The following DYNC1I1 variants were observed in gnomAD, a reference collection of about 807,000 sequenced individuals.
DYNC1I1 encodes the protein cytoplasmic dynein 1 intermediate chain 1.
Under a neutral mutation model 86.6 loss-of-function variants are expected in DYNC1I1, and 43 were observed. That is an observed-to-expected ratio of 0.50 (90% CI 0.39 to 0.64). DYNC1I1 has a LOEUF of 0.64. Ranked by LOEUF, DYNC1I1 falls within the 30% of genes least tolerant of loss-of-function variation. The pLI, the probability that DYNC1I1 is intolerant of heterozygous loss-of-function variation, is 0.00. For missense variants in DYNC1I1, 604 were observed against 788.8 expected (o/e 0.77, Z 2.81); for synonymous variants, 262 against 283.7 (o/e 0.92, Z 0.77).
At chr7:95,998,146 G>A (rs1562967360) in intron 10 of DYNC1I1, among the ~76,000 whole-genome samples, 1 of 152,160 alleles carries the variant, frequency 6.6e-6, no homozygotes, top group Non-Finnish European at 1.5e-5. Context: ...ACAACAGGGA[G>A]GTAAGAAAAA....
intron 6 of DYNC1I1, among the ~76,000 whole-genome samples, chr7:95,895,388 C>A (rs1209105638): frequency 6.6e-6 from 1 of 152,148 alleles, no homozygotes; most frequent in Non-Finnish European, 1.5e-5. Context: ...ATAGAATGGT[C>A]CATGTTGAGT....
At chr7:95,896,170 G>T (rs1790877943) in intron 6 of DYNC1I1, among the ~76,000 whole-genome samples, 1 of 152,132 alleles carries the variant, frequency 6.6e-6, no homozygotes. Context: ...GCGGCTTCAG[G>T]TGGGACTAGA....
intron 5 of DYNC1I1, among the ~76,000 whole-genome samples, chr7:95,850,611 A>T (rs1410173502): frequency 6.6e-6 from 1 of 152,232 alleles, no homozygotes; most frequent in East Asian, 1.9e-4. Flanking sequence ...TGCCACACAC[A>T]CAAATGTAAT....
intron 5 of DYNC1I1, among the ~76,000 whole-genome samples, chr7:95,833,045 A>C (rs562654547): frequency 7.4e-5 from 11 of 149,030 alleles, no homozygotes; most frequent in African/African-American, 2.8e-4. Flanking sequence ...GTCCTAGCCC[A>C]TGCCTATGTC....
rs1325932449 is a variant in DYNC1I1, at chr7:96,050,021, C to CAAAAA, written c.1509+10604_1509+10608dup. Among the ~76,000 whole-genome samples the CAAAAA allele has an allele frequency of 8.7e-4, 115 of 132,286 alleles. 1 individual carries two copies. Among genetic ancestry groups the CAAAAA allele is most frequent in the African/African-American group, 3.4e-3 (112 of 32,612 alleles). 86.8% of individuals were successfully genotyped at this position (132,286 alleles called of 152,430 possible). A position where few individuals can be genotyped will look rare whatever the true frequency, so the allele number is the denominator to read the frequency against. ...TGGATGACAGAGAGAGACTCCATCT[C>CAAAAA]AAAAAAAACAAACAAACAAAAAAAA... On this transcript the variant is annotated intron_variant, in intron 14 of 16. Transcript: ENST00000447467.
At chr7:95,864,570 T>G (rs998578898) in intron 5 of DYNC1I1, among the ~76,000 whole-genome samples, 2 of 152,120 alleles carry the variant, frequency 1.3e-5, no homozygotes, top group African/African-American at 4.8e-5. Flanking sequence ...TGGCTCCAGG[T>G]CACTTCAGGA....
At chr7:96,053,239 T>A (rs1398804017) in intron 14 of DYNC1I1, among the ~76,000 whole-genome samples, 14 of 152,234 alleles carry the variant, frequency 9.2e-5, no homozygotes, top group Admixed American at 9.2e-4. Flanking sequence ...TGTAGCTGCA[T>A]TTAACTGAAT....
At chr7:95,958,735 T>C (rs938179359) in intron 6 of DYNC1I1, among the ~76,000 whole-genome samples, 22 of 152,220 alleles carry the variant, frequency 1.4e-4, no homozygotes, top group Non-Finnish European at 2.8e-4. Context: ...GTAGAGAATC[T>C]GAAGATAAAT....
At chr7:96,047,067 T>C (rs1314006232) in intron 14 of DYNC1I1, among the ~76,000 whole-genome samples, 1 of 152,170 alleles carries the variant, frequency 6.6e-6, no homozygotes, top group African/African-American at 2.4e-5. Flanking sequence ...AGATTTGGTG[T>C]CTGGTGAGTG....
intron 1 of DYNC1I1, among the ~76,000 whole-genome samples, chr7:95,786,036 C>T (rs1794136331): frequency 1.3e-5 from 2 of 151,780 alleles, no homozygotes; most frequent in Admixed American, 1.3e-4. Context: ...TTTGAATAGA[C>T]TGAATTGGTT....
At chr7:95,968,331 A>G (rs1217275521) in intron 6 of DYNC1I1, among the ~76,000 whole-genome samples, 1 of 152,168 alleles carries the variant, frequency 6.6e-6, no homozygotes, top group Non-Finnish European at 1.5e-5. Flanking sequence ...GGGATGACCT[A>G]TATATGCAGT....
chr7:95,871,513 G>T (rs1461277987), intron 6 of DYNC1I1, among the ~76,000 whole-genome samples: 1 of 152,146 alleles, frequency 6.6e-6, no homozygotes, highest in Non-Finnish European at 1.5e-5. Flanking sequence ...GCTGCCAGAG[G>T]TATTTGCAGA....
At chr7:95,958,124 G>A (rs1792767354) in intron 6 of DYNC1I1, among the ~76,000 whole-genome samples, 1 of 152,150 alleles carries the variant, frequency 6.6e-6, no homozygotes, top group South Asian at 2.1e-4. Context: ...ACCTACAGAT[G>A]TGACAACCAG....
chr7:96,103,771 C>T (rs1791172532), intron 16 of DYNC1I1, among the ~76,000 whole-genome samples: 1 of 152,140 alleles, frequency 6.6e-6, no homozygotes, highest in South Asian at 2.1e-4. Context: ...TACCACCATG[C>T]CTGGCTAATT....
intron 10 of DYNC1I1, among the ~76,000 whole-genome samples, chr7:95,998,618 T>C (rs948892737): frequency 1.3e-5 from 2 of 152,234 alleles, no homozygotes; most frequent in Admixed American, 1.3e-4. Flanking sequence ...TCCTGTGATG[T>C]TCTGATAATT....
chr7:95,781,226 G>T (rs1170633471), intron 1 of DYNC1I1, among the ~76,000 whole-genome samples: 1 of 152,000 alleles, frequency 6.6e-6, no homozygotes, highest in East Asian at 1.9e-4. Flanking sequence ...CCAGATTTGG[G>T]GTTTTGAATA....
chr7:95,847,063 G>A (rs1199826247), intron 5 of DYNC1I1, among the ~76,000 whole-genome samples: 33 of 152,084 alleles, frequency 2.2e-4, no homozygotes, highest in Non-Finnish European at 2.9e-5. Context: ...CAAAGAAAAG[G>A]TATTTCTCTA....
chr7:96,059,633 G>C (rs1317103191), intron 14 of DYNC1I1, among the ~76,000 whole-genome samples: 5 of 152,184 alleles, frequency 3.3e-5, no homozygotes, highest in Admixed American at 6.5e-5. Flanking sequence ...CAGATCTGGA[G>C]AGTGATGGGG....
intron 9 of DYNC1I1, among the ~76,000 whole-genome samples, chr7:95,989,942 T>C (rs1793690243): frequency 6.6e-6 from 1 of 152,108 alleles, no homozygotes; most frequent in Non-Finnish European, 1.5e-5. Flanking sequence ...AATCGAATGA[T>C]ATTAAGAAAG....
Sources: gnomAD v4.1 joint callset for allele counts (sites outside exome capture counted in the v4.1 genomes callset) on GRCh38, gnomAD v4.1.1 for gene constraint, MANE v1.5 for transcripts, NCBI Gene and HGNC (gene_info 2026-07-23, HGNC 2026-07-21) for gene names.